FREM1: variants seen among roughly 807,000 people sequenced by gnomAD.
The protein encoded by FREM1 is FRAS1-related extracellular matrix protein 1.
FREM1 carries 220 observed loss-of-function variants against 210.1 expected under a neutral mutation model. That is an observed-to-expected ratio of 1.05 (90% CI 0.94 to 1.17). The LOEUF is 1.17. FREM1 is among the 50% of genes most tolerant of loss of function. The probability of loss-of-function intolerance (pLI) is 0.00; values close to 1 mark genes in which losing one functional copy is unlikely to be tolerated. For synonymous variants in FREM1, 1,189 were observed against 980.2 expected, an observed-to-expected ratio of 1.21 and a Z score of -3.98; for missense variants, 3,454 against 2,675.5, an observed-to-expected ratio of 1.29 and a Z score of -6.42.
At chr9:14,831,106 C>A (rs929999651) in intron 10 of FREM1, among the ~76,000 whole-genome samples, 1 of 152,132 alleles carries the variant, frequency 6.6e-6, no homozygotes, top group Non-Finnish European at 1.5e-5. Flanking sequence ...CACTGGTGAC[C>A]TTGCCATCAC....
chr9:14,880,189 T>C (rs1475054596), intron 1 of FREM1, among the ~76,000 whole-genome samples: 1 of 152,142 alleles, frequency 6.6e-6, no homozygotes, highest in African/African-American at 2.4e-5. Flanking sequence ...TTCAGAACTG[T>C]GAGGAATAAA....
At chr9:14,813,346 A>G (rs1243658661) in intron 15 of FREM1, among the ~76,000 whole-genome samples, 2 of 152,256 alleles carry the variant, frequency 1.3e-5, no homozygotes, top group Non-Finnish European at 2.9e-5. Context: ...CAGAAAAAAT[A>G]CAAATGTAAT....
Position 14,756,452 on chromosome 9 carries a change from G to T in FREM1, c.5335-6C>A. On this transcript the variant is annotated splice_polypyrimidine_tract_variant and splice_region_variant and intron_variant, in intron 28 of 36. Transcript: ENST00000380880. ...GCAGCTGACACTTGGTTGACCTTAGGAGGGAAAAAAAAATCTTTTTAAGAT... is the reference window on the plus strand; with the variant it reads ...GCAGCTGACACTTGGTTGACCTTAGTAGGGAAAAAAAAATCTTTTTAAGAT... The T allele has an allele frequency of 6.3e-7, 1 of 1,577,150 alleles. No individual in the cohort carries two copies.
rs1017116964 is a variant in FREM1, at chr9:14,836,913, T to C, written c.1881+4534A>G. Among the ~76,000 whole-genome samples the C allele has an allele frequency of 2.6e-5, 4 of 152,206 alleles. No homozygotes were observed. Among genetic ancestry groups the C allele is most frequent in the Non-Finnish European group, 5.9e-5 (4 of 68,040 alleles). On this transcript the variant is annotated intron_variant, in intron 10 of 36. Transcript: ENST00000380880. The surrounding 1 kb of genome is among the most constrained non-coding windows in gnomAD (Gnocchi z 4.9). ...GAGTTATTAAGAAAAAGAAATTATT[T>C]TATGCAGATAGAGAGGAAAAGGGGT...
At chr9:14,899,317 G>C (rs1838352709) in intron 1 of FREM1, among the ~76,000 whole-genome samples, 1 of 152,224 alleles carries the variant, frequency 6.6e-6, no homozygotes, top group Non-Finnish European at 1.5e-5. Flanking sequence ...CTCTGATGCA[G>C]TGTTGCTCAC....
chr9:14,908,415 C>G (rs1342569974), intron 1 of FREM1, among the ~76,000 whole-genome samples: 1 of 152,152 alleles, frequency 6.6e-6, no homozygotes, highest in Non-Finnish European at 1.5e-5. Flanking sequence ...CCAAAACAAA[C>G]ATTGCTTAGC....
intron 29 of FREM1, among the ~76,000 whole-genome samples, chr9:14,753,396 A>G (rs1563836673): frequency 6.6e-6 from 1 of 152,250 alleles, no homozygotes; most frequent in Admixed American, 6.5e-5. Flanking sequence ...AAGCCTTTCA[A>G]TAATGCATAT....
intron 2 of FREM1, among the ~76,000 whole-genome samples, chr9:14,867,452 T>A (rs1466785178): frequency 6.6e-6 from 1 of 152,202 alleles, no homozygotes. Flanking sequence ...TAAAGCTCTT[T>A]GACTGACGAT....
chr9:14,823,203 C>G lies in FREM1; in HGVS notation c.2294G>C (p.Cys765Ser). The G allele has an allele frequency of 6.2e-7, 1 of 1,613,854 alleles. No individual in the cohort carries two copies. Among genetic ancestry groups the G allele is most frequent in the Non-Finnish European group, 8.5e-7 (1 of 1,179,796 alleles). Residue 765 changes from cysteine to serine, a missense_variant, in exon 13 of 37, where the codon TGC becomes TCC. Coordinates refer to ENST00000380880, the MANE Select transcript of FREM1 (RefSeq NM_001379081.2). ...NQHGGTLHGICFNITILPVDN... is the reference protein window; with the variant it reads ...NQHGGTLHGISFNITILPVDN... ...CACTGGGAGGATTGTAATGTTAAAG[C>G]AGATCCCATGCAAAGTACCGCCATG... is the stretch of plus-strand genomic sequence containing the variant.
intron 14 of FREM1, among the ~76,000 whole-genome samples, chr9:14,818,629 C>A (rs1820733085): frequency 6.6e-6 from 1 of 152,172 alleles, no homozygotes; most frequent in Admixed American, 6.5e-5. Context: ...TACAGAACTG[C>A]ATTAGGTAGA....
chr9:14,825,551 A>G (rs138632655), intron 10 of FREM1, among the ~76,000 whole-genome samples: 15,001 of 64,710 alleles, frequency 0.23, 1,613 homozygotes, highest in East Asian at 0.6. Flanking sequence ...GTGTGTGTAT[A>G]TATATATATA....
chr9:14,794,318 T>G (rs932106615), intron 21 of FREM1, among the ~76,000 whole-genome samples: 1 of 152,298 alleles, frequency 6.6e-6, no homozygotes, highest in South Asian at 2.1e-4. Context: ...AGGAACCACA[T>G]AGATGTGATT....
At chr9:14,844,814 A>G (rs1335252128) in intron 8 of FREM1, among the ~76,000 whole-genome samples, 1 of 152,232 alleles carries the variant, frequency 6.6e-6, no homozygotes, top group Non-Finnish European at 1.5e-5. Context: ...CTTGTTAGAT[A>G]CAGCAAACTT....
intron 1 of FREM1, among the ~76,000 whole-genome samples, chr9:14,875,659 C>G (rs148826838): frequency 3.9e-5 from 6 of 152,124 alleles, no homozygotes; most frequent in Non-Finnish European, 8.8e-5. Context: ...TCGTCTGAAG[C>G]CTTCTTCTCT....
In FREM1 at chr9:14,824,823, G is replaced by A. The variant is rs770910385; in HGVS notation, c.2051C>T (p.Thr684Ile). The A allele has an allele frequency of 5.6e-6, 9 of 1,612,392 alleles. No homozygotes were observed. The highest frequency in any genetic ancestry group is 3.3e-5 in the South Asian group (3 of 90,682). The change falls in exon 11 of 37, where the codon ACT becomes ATT. Residue 684 changes from threonine (T) to isoleucine (I), a missense_variant. Coordinates refer to ENST00000380880, the MANE Select transcript of FREM1 (RefSeq NM_001379081.2). ...YDRELVYTIT[T>I]PPFFSFSHRH... ...GTGGCTGAAGGAGAAAAATGGAGGA[G>A]TAGTTATTGTGTAGACCAGCTCCCT...
chr9:14,827,678 A>C (rs891801602), intron 10 of FREM1, among the ~76,000 whole-genome samples: 1 of 152,208 alleles, frequency 6.6e-6, no homozygotes, highest in Non-Finnish European at 1.5e-5. Flanking sequence ...TTATCAAGAC[A>C]ATGGAAAAAT....
At chr9:14,782,418 C>A (rs955856592) in intron 24 of FREM1, 75 of 874,172 alleles carry the variant, frequency 8.6e-5, no homozygotes, top group Non-Finnish European at 9.6e-5. Flanking sequence ...TGTTCTCCAG[C>A]AAGGTCACTG....
rs1350893271 is a variant in FREM1, at chr9:14,860,726, TAC to T, written c.330-1244_330-1243del. On this transcript the variant is annotated intron_variant, in intron 3 of 36. Coordinates refer to ENST00000380880, the MANE Select transcript of FREM1 (RefSeq NM_001379081.2). ...ATATACACACATATATACACATATA[TAC>T]ACATATATACACATATATATGCACA... 1.8e-4 allele frequency among the ~76,000 whole-genome samples: 23 copies of T among 125,818 alleles called. No individual in the cohort carries two copies. The East Asian group carries it at 5.0e-3, about 27-fold the overall frequency. The allele number at this position is 125,818 out of a possible 152,430, so 82.5% of individuals were successfully genotyped here.
intron 29 of FREM1, among the ~76,000 whole-genome samples, chr9:14,753,217 G>C (rs1220506231): frequency 6.6e-6 from 1 of 152,206 alleles, no homozygotes; most frequent in Admixed American, 6.5e-5. Context: ...ATTTTATGCA[G>C]ACATATTCCA....
Sources: gnomAD v4.1 joint callset for allele counts (sites outside exome capture counted in the v4.1 genomes callset) on GRCh38, gnomAD v4.1.1 for gene constraint, Gnocchi (gnomAD v3.1) non-coding constraint, MANE v1.5 for transcripts, NCBI Gene and HGNC (gene_info 2026-07-23, HGNC 2026-07-21) for gene names.